The following ANGPT2 variants were observed in gnomAD, a reference collection of about 807,000 sequenced individuals.
The protein encoded by ANGPT2 is angiopoietin-2.
Under a neutral mutation model 62.9 loss-of-function variants are expected in ANGPT2, and 28 were observed. The observed-to-expected ratio is 0.44, with a 90% CI of 0.33 to 0.61. The LOEUF (loss-of-function observed/expected upper bound fraction) is 0.61, where lower values mean the gene tolerates loss of function less well. Ranked by LOEUF, ANGPT2 falls within the 20% of genes least tolerant of loss-of-function variation. ANGPT2 has a pLI of 0.03. For synonymous variants in ANGPT2, 284 were observed against 207.8 expected (o/e 1.37, Z -3.15); for missense variants, 727 against 594.9 (o/e 1.22, Z -2.31).
intron 1 of ANGPT2, among the ~76,000 whole-genome samples, chr8:6,546,796 A>G (rs945026206): frequency 6.6e-6 from 1 of 152,176 alleles, no homozygotes; most frequent in Non-Finnish European, 1.5e-5. Flanking sequence ...CAATCCAAGT[A>G]TTGCCTTTAA....
At chr8:6,520,039 CA>C in intron 4 of ANGPT2, 48 bp from the exon 5 acceptor site, 1 of 1,598,762 alleles carries the variant, frequency 6.3e-7, no homozygotes, top group Non-Finnish European at 8.5e-7. Context: ...CATGAAAAGA[CA>C]AAGACTTGTT....
At chr8:6,554,474 A>G (rs1029676276) in intron 1 of ANGPT2, among the ~76,000 whole-genome samples, 9 of 152,154 alleles carry the variant, frequency 5.9e-5, no homozygotes, top group Non-Finnish European at 1.2e-4. Context: ...CAAGATTTCT[A>G]TATCTTAGTA....
intron 8 of ANGPT2, among the ~76,000 whole-genome samples, chr8:6,504,667 A>G (rs552352451): frequency 5.9e-5 from 9 of 152,322 alleles, no homozygotes; most frequent in African/African-American, 2.2e-4. Flanking sequence ...TAATAAGGAG[A>G]GAAAAAAATC....
At chr8:6,504,124 C>T (rs1369024204) in intron 8 of ANGPT2, among the ~76,000 whole-genome samples, 2 of 151,920 alleles carry the variant, frequency 1.3e-5, no homozygotes, top group Non-Finnish European at 2.9e-5. Context: ...CGAGACCATC[C>T]TGGCTAACAC....
At chr8:6,553,314 G>T (rs948627079) in intron 1 of ANGPT2, among the ~76,000 whole-genome samples, 2 of 152,096 alleles carry the variant, frequency 1.3e-5, no homozygotes, top group African/African-American at 2.4e-5. Flanking sequence ...AAAGGAACAA[G>T]TAAAGCAACA....
At chr8:6,549,999 AGGTGAT>A (rs1823333509) in intron 1 of ANGPT2, among the ~76,000 whole-genome samples, 1 of 152,222 alleles carries the variant, frequency 6.6e-6, no homozygotes, top group Non-Finnish European at 1.5e-5. Context: ...GGCTTTGCCC[AGGTGAT>A]CATTCGGGGA....
chr8:6,512,672 G>A (rs867464115), intron 7 of ANGPT2, among the ~76,000 whole-genome samples: 4 of 152,134 alleles, frequency 2.6e-5, no homozygotes, highest in Non-Finnish European at 4.4e-5. Flanking sequence ...TGGCTTCACC[G>A]TACTTATCTT....
intron 8 of ANGPT2, among the ~76,000 whole-genome samples, chr8:6,506,549 G>A (rs1306715172): frequency 1.3e-5 from 2 of 152,226 alleles, no homozygotes; most frequent in Admixed American, 6.5e-5. Context: ...GGTCCAGCAT[G>A]TGGGGAAATG....
rs533538133 is a variant in ANGPT2, at chr8:6,532,015, C to A, written c.444+317G>T. On this transcript the variant is annotated intron_variant, in intron 2 of 8. Transcript: ENST00000629816. ...GGACTTAGAAATGGAAAATGATTCCCGGAGTCCAGAAAGCACCAGGGAGAC... is the reference window on the plus strand; with the variant it reads ...GGACTTAGAAATGGAAAATGATTCCAGGAGTCCAGAAAGCACCAGGGAGAC... Among the ~76,000 whole-genome samples the A allele has an allele frequency of 5.9e-5, 9 of 152,248 alleles. No individual in the cohort carries two copies. In the South Asian group the frequency reaches 1.7e-3, roughly 28 times the overall value.
intron 3 of ANGPT2, among the ~76,000 whole-genome samples, chr8:6,521,676 A>T (rs1430413777): frequency 2.0e-5 from 3 of 152,228 alleles, no homozygotes; most frequent in Non-Finnish European, 2.9e-5. Flanking sequence ...CATCTGGTCC[A>T]GGATAGGTGG....
chr8:6,499,773 GTC>G lies in ANGPT2; in HGVS notation c.*3326_*3327del, dbSNP rs1811793432. The G allele has an allele frequency of 2.3e-5, 29 of 1,272,706 alleles. 2 individuals are homozygous for G. In the South Asian group the frequency reaches 3.2e-4, roughly 14 times the overall value. The allele number at this position is 1,272,706 out of a possible 1,614,324, so 78.8% of individuals were successfully genotyped here. ...TGCGGAGTGTATCACTTTTTGCTGT[GTC>G]TTCAAAGTGATTCTTGGTTTATTGC... On this transcript the variant is annotated 3_prime_UTR_variant, in exon 9 of 9. Coordinates refer to ENST00000629816, the MANE Select transcript of ANGPT2 (RefSeq NM_001118887.2).
At position 6,506,387 on chromosome 8, in the gene ANGPT2, C is replaced by G. The variant is rs528740802; in HGVS notation, c.1327+2545G>C. Reference sequence around the variant, plus strand: ...TTGGGCTGTTTTTCCTCTCCCCAGTCTCTTTTCCAATTACATTCTCAGTCC... The same window carrying G: ...TTGGGCTGTTTTTCCTCTCCCCAGTGTCTTTTCCAATTACATTCTCAGTCC... On this transcript the variant is annotated intron_variant, in intron 8 of 8. Transcript: ENST00000629816. Among the ~76,000 whole-genome samples, 11 of 152,204 alleles carry G rather than the reference C, an allele frequency of 7.2e-5. No homozygotes were observed. In the South Asian group the frequency reaches 2.3e-3, roughly 32 times the overall value.
chr8:6,499,971 G>T lies in ANGPT2; in HGVS notation c.*3130C>A, dbSNP rs754275751. 1 of 1,536,298 alleles carries T rather than the reference G, an allele frequency of 6.5e-7. No homozygotes were observed. The highest frequency in any genetic ancestry group is 1.1e-5 in the South Asian group (1 of 89,472). ...TTTACGATGGTAAATGCAGTTTGCT[G>T]TTCTCAAGAAATTATTATAAACATA... is the stretch of plus-strand genomic sequence containing the variant. On this transcript the variant is annotated 3_prime_UTR_variant, in exon 9 of 9. Coordinates refer to ENST00000629816, the MANE Select transcript of ANGPT2 (RefSeq NM_001118887.2).
At chr8:6,515,127 G>C (rs1290905273) in intron 5 of ANGPT2, among the ~76,000 whole-genome samples, 6 of 152,088 alleles carry the variant, frequency 3.9e-5, no homozygotes, top group Non-Finnish European at 8.8e-5. Flanking sequence ...CATTTTGGCA[G>C]ATTGGCCCCG....
chr8:6,559,460 C>T (rs1178998482), intron 1 of ANGPT2, among the ~76,000 whole-genome samples: 4 of 152,100 alleles, frequency 2.6e-5, no homozygotes, highest in Non-Finnish European at 4.4e-5. Context: ...AAAAGGATTG[C>T]AATTCACATT....
At position 6,500,005 on chromosome 8, in the gene ANGPT2, CT is replaced by C; in HGVS notation, c.*3095del. On this transcript the variant is annotated 3_prime_UTR_variant, in exon 9 of 9. Coordinates refer to ENST00000629816, the MANE Select transcript of ANGPT2 (RefSeq NM_001118887.2). ...AAATTATTATAAACATAAGGGTGGA[CT>C]TAAGTTTTTATCCAGTCAAGCACAA... 2.3e-6 allele frequency: 3 copies of C among 1,305,044 alleles called. No individual in the cohort carries two copies. Among genetic ancestry groups the C allele is most frequent in the Non-Finnish European group, 3.3e-6 (3 of 900,704 alleles). The allele number at this position is 1,305,044 out of a possible 1,614,324, so 80.8% of individuals were successfully genotyped here. A position where few individuals can be genotyped will look rare whatever the true frequency, so the allele number is the denominator to read the frequency against.
Position 6,500,327 on chromosome 8 carries a change from G to T in ANGPT2, c.*2774C>A. ...GTGATAACAGTATTTATATTTTTAT[G>T]GCTTTCCTAAATTCCACTTCAACTT... On this transcript the variant is annotated 3_prime_UTR_variant, in exon 9 of 9. Transcript: ENST00000629816. 1 of 163,752 alleles carries T rather than the reference G, an allele frequency of 6.1e-6. No homozygotes were observed. Among genetic ancestry groups the T allele is most frequent in the East Asian group, 1.7e-4 (1 of 5,870 alleles). The allele number at this position is 163,752 out of a possible 1,614,324, so 10.1% of individuals were successfully genotyped here.
intron 8 of ANGPT2, chr8:6,508,041 T>G (rs1814137958): frequency 6.6e-6 from 1 of 152,186 alleles, no homozygotes; most frequent in South Asian, 2.1e-4. Context: ...AAACCTACAA[T>G]ACAAGAAAGG....
At chr8:6,508,802 A>G (rs1370645007) in intron 8 of ANGPT2, 130 bp downstream of exon 8, 4 of 1,283,742 alleles carry the variant, frequency 3.1e-6, no homozygotes, top group Non-Finnish European at 4.5e-6. Flanking sequence ...ACCTATATCA[A>G]GCTAGTGTGT....
Sources: gnomAD v4.1 joint callset for allele counts (sites outside exome capture counted in the v4.1 genomes callset) on GRCh38, gnomAD v4.1.1 for gene constraint, MANE v1.5 for transcripts, NCBI Gene and HGNC (gene_info 2026-07-23, HGNC 2026-07-21) for gene names.